SNX3: variants seen among roughly 807,000 people sequenced by gnomAD.
The protein encoded by SNX3 is sorting nexin 3.
SNX3 carries 5 observed loss-of-function variants against 17.7 expected under a neutral mutation model. That is an observed-to-expected ratio of 0.28 (90% confidence interval 0.15 to 0.59). The LOEUF (loss-of-function observed/expected upper bound fraction) is 0.59, where lower values mean the gene tolerates loss of function less well. SNX3 is among the 20% of genes least tolerant of loss of function. The probability of loss-of-function intolerance (pLI) is 0.88; values close to 1 mark genes in which losing one functional copy is unlikely to be tolerated. For missense variants in SNX3, 132 were observed against 206.8 expected (o/e 0.64, Z 2.22); for synonymous variants, 91 against 76.5 (o/e 1.19, Z -0.99).
At chr6:108,218,203 T>A (rs527473145) in intron 2 of SNX3, among the ~76,000 whole-genome samples, 1 of 152,110 alleles carries the variant, frequency 6.6e-6, no homozygotes, top group South Asian at 2.1e-4. Flanking sequence ...AATAAAAAGA[T>A]GAACCCATTG....
At chr6:108,238,204 C>T (rs1312009005) in intron 1 of SNX3, among the ~76,000 whole-genome samples, 3 of 151,788 alleles carry the variant, frequency 2.0e-5, no homozygotes, top group Non-Finnish European at 2.9e-5. Flanking sequence ...AACATTGTCC[C>T]TGCATTAGCT....
chr6:108,224,514 G>A (rs534836125), intron 1 of SNX3, among the ~76,000 whole-genome samples: 129 of 152,104 alleles, frequency 8.5e-4, no homozygotes, highest in Non-Finnish European at 1.5e-3. Context: ...TCTCCTGACC[G>A]CGTGATCTGC....
intron 1 of SNX3, among the ~76,000 whole-genome samples, chr6:108,244,647 G>GTT (rs1021781550): frequency 0.017 from 1,480 of 87,146 alleles, 47 homozygotes; most frequent in Non-Finnish European, 0.022. Flanking sequence ...TAAGTAAGGA[G>GTT]TTTTTTTTTT....
At chr6:108,251,104 G>C (rs1215152866) in intron 1 of SNX3, among the ~76,000 whole-genome samples, 1 of 151,908 alleles carries the variant, frequency 6.6e-6, no homozygotes, top group Non-Finnish European at 1.5e-5. Context: ...ACTACCTTTA[G>C]AATCTCTAGC....
chr6:108,244,977 A>G lies in SNX3; in HGVS notation c.162+15783T>C, dbSNP rs575541129. On this transcript the variant is annotated intron_variant, in intron 1 of 3. Coordinates refer to ENST00000230085, the MANE Select transcript of SNX3 (RefSeq NM_003795.6). ...AATTTTCTTTTTAGTTCTGGGATACACGTGCAAAAAAACGTGCAGGTTTGT... is the reference window on the plus strand; with the variant it reads ...AATTTTCTTTTTAGTTCTGGGATACGCGTGCAAAAAAACGTGCAGGTTTGT... Among the ~76,000 whole-genome samples, 231 of 152,188 alleles carry G rather than the reference A, an allele frequency of 1.5e-3. 1 individual carries two copies. Among genetic ancestry groups the G allele is most frequent in the African/African-American group, 5.3e-3 (221 of 41,520 alleles).
At chr6:108,218,057 T>C (rs572367960) in intron 2 of SNX3, among the ~76,000 whole-genome samples, 77 of 152,324 alleles carry the variant, frequency 5.1e-4, no homozygotes, top group Non-Finnish European at 9.7e-4. Context: ...ACTGGTCTAA[T>C]GTTAAATGTG....
rs111496057 is a variant in SNX3 at position 108,218,637 on chromosome 6, A to G, written c.259-4015T>C. Among the ~76,000 whole-genome samples, 128 of 152,398 alleles carry G rather than the reference A, an allele frequency of 8.4e-4. 1 individual carries two copies. Among genetic ancestry groups the G allele is most frequent in the African/African-American group, 3.0e-3 (123 of 41,606 alleles). On this transcript the variant is annotated intron_variant, in intron 2 of 3. Transcript: ENST00000230085. ...AAATGTCCACCAAATAAGTGTATAA[A>G]TAAGATGTGGTATAAGCATACAATA...
At chr6:108,213,514 C>T (rs1014625258) in intron 3 of SNX3, among the ~76,000 whole-genome samples, 3 of 151,786 alleles carry the variant, frequency 2.0e-5, no homozygotes, top group Non-Finnish European at 2.9e-5. Flanking sequence ...AAGCCAGACA[C>T]GATGGTGCGC....
rs1353735505 is a variant in SNX3, at chr6:108,246,309, C to G, written c.162+14451G>C. Among the ~76,000 whole-genome samples, 6 of 118,342 alleles carry G rather than the reference C, an allele frequency of 5.1e-5. No homozygotes were observed. The Admixed American group carries it at 5.5e-4, about 11-fold the overall frequency. 77.6% of individuals were successfully genotyped at this position (118,342 alleles called of 152,430 possible). ...AAGAAATTCTTAAAAGAGCTTTGAG[C>G]ATTCTTTTTTTTTTTTTTTTTTTTT... On this transcript the variant is annotated intron_variant, in intron 1 of 3. Transcript: ENST00000230085.
chr6:108,214,746 T>C, intron 2 of SNX3, 124 bp from the exon 3 acceptor site: 1 of 983,542 alleles, frequency 1.0e-6, no homozygotes, highest in South Asian at 1.8e-5. Flanking sequence ...CTAGTTGAAA[T>C]ATAAAAGAGC....
At chr6:108,245,031 T>C (rs757647203) in intron 1 of SNX3, among the ~76,000 whole-genome samples, 2 of 152,126 alleles carry the variant, frequency 1.3e-5, no homozygotes, top group African/African-American at 2.4e-5. Context: ...CCATGGTGGT[T>C]TGCTGCACCT....
At chr6:108,254,493 C>T (rs187150381) in intron 1 of SNX3, among the ~76,000 whole-genome samples, 83 of 152,054 alleles carry the variant, frequency 5.5e-4, no homozygotes, top group African/African-American at 1.8e-3. Flanking sequence ...TCTGAAGGTC[C>T]GAAAATCTAG....
intron 1 of SNX3, among the ~76,000 whole-genome samples, chr6:108,258,157 T>C (rs1776084541): frequency 6.6e-6 from 1 of 151,904 alleles, no homozygotes; most frequent in Admixed American, 6.6e-5. Context: ...CATTAATCGT[T>C]CTTAAAAAAG....
chr6:108,234,504 T>C (rs1775265185), intron 1 of SNX3, among the ~76,000 whole-genome samples: 4 of 152,006 alleles, frequency 2.6e-5, no homozygotes, highest in Admixed American at 1.3e-4. Flanking sequence ...TGAGCCAAAA[T>C]TGCACCACTG....
chr6:108,244,188 C>G (rs970492710), intron 1 of SNX3, among the ~76,000 whole-genome samples: 2 of 152,044 alleles, frequency 1.3e-5, no homozygotes, highest in Admixed American at 6.5e-5. Flanking sequence ...GTGGGTCTCA[C>G]TCTGTCACCC....
At chr6:108,212,575 T>A (rs1774439834) in intron 3 of SNX3, among the ~76,000 whole-genome samples, 1 of 152,116 alleles carries the variant, frequency 6.6e-6, no homozygotes, top group African/African-American at 2.4e-5. Flanking sequence ...TGACCTCAAG[T>A]GATCTGCTCA....
At chr6:108,248,590 GA>G (rs1318901762) in intron 1 of SNX3, among the ~76,000 whole-genome samples, 2 of 152,158 alleles carry the variant, frequency 1.3e-5, no homozygotes, top group African/African-American at 4.8e-5. Context: ...ATCAATTATA[GA>G]TAAGAATCAT....
chr6:108,224,497 G>C (rs1774917326), intron 1 of SNX3, among the ~76,000 whole-genome samples: 1 of 151,992 alleles, frequency 6.6e-6, no homozygotes, highest in Non-Finnish European at 1.5e-5. Flanking sequence ...AGCCAGGATG[G>C]TCTCCATCTC....
At chr6:108,247,287 T>C (rs1006326039) in intron 1 of SNX3, among the ~76,000 whole-genome samples, 1 of 152,154 alleles carries the variant, frequency 6.6e-6, no homozygotes, top group Non-Finnish European at 1.5e-5. Flanking sequence ...AGTAAATTTA[T>C]AGCAGTGTGA....
Sources: allele counts gnomAD v4.1 joint callset (sites outside exome capture counted in the v4.1 genomes callset), GRCh38; gene constraint gnomAD v4.1.1; transcripts MANE v1.5; gene names NCBI Gene and HGNC (gene_info 2026-07-23, HGNC 2026-07-21).